Variants in HMCN1 observed in about 807,000 individuals in gnomAD.
HMCN1 encodes hemicentin 1.
A neutral mutation model predicts 625.9 loss-of-function variants in HMCN1; 321 were observed. The observed-to-expected ratio is 0.51, with a 90% CI of 0.47 to 0.56. The LOEUF (loss-of-function observed/expected upper bound fraction) is 0.56. Among genes scored for constraint, HMCN1 ranks in the 20% least tolerant of loss-of-function variants. HMCN1 has a pLI of 0.00. For synonymous variants in HMCN1, 2,425 were observed against 2,417.6 expected (o/e 1.00, Z -0.09); for missense variants, 6,588 against 6,887.3 (o/e 0.96, Z 1.54).
intron 1 of HMCN1, among the ~76,000 whole-genome samples, chr1:185,791,806 T>A (rs1557972207): frequency 6.6e-6 from 1 of 152,184 alleles, no homozygotes; most frequent in East Asian, 1.9e-4. Context: ...CTGGGTGATA[T>A]TATTTTTAAC....
rs1330207953 is a variant in HMCN1 at position 185,994,946 on chromosome 1, G to A, written c.3637G>A (p.Val1213Ile). The change falls in exon 24 of 107, where the codon GTT (valine) becomes ATT (isoleucine). Residue 1213 changes from valine to isoleucine, a missense_variant. By Grantham distance (29) the Val-to-Ile change is conservative. Coordinates refer to ENST00000271588, the MANE Select transcript of HMCN1 (RefSeq NM_031935.3). ...GTCCAAAGGTGGAAGCACTATGCTGGTTGATGGAGAGCACCATGTTAGCAA... is the reference window on the plus strand; with the variant it reads ...GTCCAAAGGTGGAAGCACTATGCTGATTGATGGAGAGCACCATGTTAGCAA... ...TWSKGGSTML[V>I]DGEHHVSNPD... The A allele has an allele frequency of 2.5e-6, 4 of 1,613,930 alleles. No individual in the cohort carries two copies. The South Asian group carries it at 4.4e-5, about 18-fold the overall frequency.
chr1:185,930,282 A>T (rs1667476597), intron 10 of HMCN1, among the ~76,000 whole-genome samples: 2 of 152,200 alleles, frequency 1.3e-5, no homozygotes, highest in South Asian at 2.1e-4. Context: ...TAACAGCAGA[A>T]GTCACAAGTG....
chr1:185,792,838 A>T (rs527268234), intron 1 of HMCN1, among the ~76,000 whole-genome samples: 47 of 152,336 alleles, frequency 3.1e-4, no homozygotes, highest in Non-Finnish European at 5.7e-4. Context: ...GTTACAGCAA[A>T]CTATACCAAA....
At chr1:185,995,377 C>T (rs1426796606) in intron 24 of HMCN1, among the ~76,000 whole-genome samples, 3 of 151,996 alleles carry the variant, frequency 2.0e-5, no homozygotes, top group African/African-American at 7.3e-5. Context: ...GTTTGGGAGA[C>T]ATTGTGGGAA....
At chr1:185,873,898 T>C (rs1393176609) in intron 4 of HMCN1, among the ~76,000 whole-genome samples, 1 of 152,008 alleles carries the variant, frequency 6.6e-6, no homozygotes, top group Non-Finnish European at 1.5e-5. Flanking sequence ...TTACTTTTCA[T>C]AATTACCTAC....
chr1:186,091,380 G>C (rs1461651914), intron 64 of HMCN1, among the ~76,000 whole-genome samples: 1 of 151,936 alleles, frequency 6.6e-6, no homozygotes, highest in Non-Finnish European at 1.5e-5. Flanking sequence ...GGCTCCTTTT[G>C]AGAAAAGATA....
chr1:185,954,381 A>G (rs756247961), intron 11 of HMCN1, among the ~76,000 whole-genome samples: 8 of 152,198 alleles, frequency 5.3e-5, no homozygotes, highest in Non-Finnish European at 7.3e-5. Flanking sequence ...ACTTAACAGT[A>G]AATATTAATC....
chr1:185,920,221 G>A (rs1666933410), intron 6 of HMCN1, among the ~76,000 whole-genome samples: 1 of 152,044 alleles, frequency 6.6e-6, no homozygotes, highest in South Asian at 2.1e-4. Context: ...CTTTAAATTA[G>A]CTCATTTTTT....
At chr1:185,904,341 C>T (rs1040930708) in intron 4 of HMCN1, among the ~76,000 whole-genome samples, 3 of 151,780 alleles carry the variant, frequency 2.0e-5, no homozygotes, top group African/African-American at 7.2e-5. Flanking sequence ...ATAGGGTTTA[C>T]TACAAAATGA....
intron 16 of HMCN1, among the ~76,000 whole-genome samples, chr1:185,978,557 T>C (rs2101992015): frequency 6.6e-6 from 1 of 152,312 alleles, no homozygotes; most frequent in East Asian, 1.9e-4. Flanking sequence ...AATTGCATGG[T>C]GTTACCAGAG....
At chr1:185,876,965 G>A (rs1362210533) in intron 4 of HMCN1, among the ~76,000 whole-genome samples, 3 of 151,890 alleles carry the variant, frequency 2.0e-5, no homozygotes, top group African/African-American at 7.3e-5. Context: ...TGAGTTCTTA[G>A]TCATAAATTC....
rs190746251 is a variant in HMCN1, at chr1:186,155,040, C to A, written c.15256+1053C>A. Reference sequence around the variant, plus strand: ...TTCACTTAAAAGGATTCACATTGACCTTGTCAATGTGTTTTGCTGTGTGCC... The same window carrying A: ...TTCACTTAAAAGGATTCACATTGACATTGTCAATGTGTTTTGCTGTGTGCC... On this transcript the variant is annotated intron_variant, in intron 97 of 106. Coordinates refer to ENST00000271588, the MANE Select transcript of HMCN1 (RefSeq NM_031935.3). Among the ~76,000 whole-genome samples, 261 of 152,254 alleles carry A rather than the reference C, an allele frequency of 1.7e-3. 8 individuals carry two copies. The East Asian group carries it at 0.044, about 26-fold the overall frequency.
intron 18 of HMCN1, among the ~76,000 whole-genome samples, chr1:185,983,425 C>CA (rs556310210): frequency 3.3e-5 from 5 of 149,390 alleles, no homozygotes; most frequent in Non-Finnish European, 7.4e-5. Context: ...GACTCCGTCT[C>CA]AAAAAAAATA....
intron 42 of HMCN1, among the ~76,000 whole-genome samples, chr1:186,049,489 T>C (rs1174696521): frequency 6.6e-6 from 1 of 151,980 alleles, no homozygotes; most frequent in East Asian, 1.9e-4. Flanking sequence ...AGAAAAGTTA[T>C]TCTCAGTTGA....
intron 1 of HMCN1, among the ~76,000 whole-genome samples, chr1:185,742,140 T>G (rs536142489): frequency 6.6e-6 from 1 of 152,296 alleles, no homozygotes; most frequent in Admixed American, 6.5e-5. Context: ...TCTTGTCACT[T>G]CAGCAAATCT....
intron 1 of HMCN1, among the ~76,000 whole-genome samples, chr1:185,828,571 C>T (rs1220941152): frequency 6.6e-6 from 1 of 152,064 alleles, no homozygotes; most frequent in Non-Finnish European, 1.5e-5. Context: ...TAATACACAT[C>T]TAACTGATGT....
intron 15 of HMCN1, among the ~76,000 whole-genome samples, chr1:185,970,715 G>A (rs1650754476): frequency 6.6e-6 from 1 of 151,758 alleles, no homozygotes; most frequent in African/African-American, 2.4e-5. Flanking sequence ...CTGGAGTGCA[G>A]TAGTGCTATC....
intron 97 of HMCN1, among the ~76,000 whole-genome samples, chr1:186,156,364 C>A (rs1163561001): frequency 6.6e-6 from 1 of 152,016 alleles, no homozygotes; most frequent in Non-Finnish European, 1.5e-5. Context: ...GAGGCAAATA[C>A]CCTCAGTAGA....
chr1:186,040,929 GC>G, intron 39 of HMCN1, 83 bp from the exon 40 acceptor site: 3 of 1,464,284 alleles, frequency 2.0e-6, no homozygotes, highest in Non-Finnish European at 2.9e-6. Context: ...CAACTGATAA[GC>G]CTCAAAAAAA....
Sources: allele counts gnomAD v4.1 joint callset (sites outside exome capture counted in the v4.1 genomes callset), GRCh38; gene constraint gnomAD v4.1.1; transcripts MANE v1.5; gene names NCBI Gene and HGNC (gene_info 2026-07-23, HGNC 2026-07-21).